TPMT: variants seen among roughly 807,000 people sequenced by gnomAD.
TPMT encodes the protein S-adenosyl-L-methionine:thiopurine S-methyltransferase.
A neutral mutation model predicts 34.2 loss-of-function variants in TPMT; 18 were observed. The ratio of observed to expected loss-of-function variants is 0.53; its 90% CI spans 0.36 to 0.78. TPMT has a LOEUF of 0.78. Ranked by LOEUF, TPMT falls within the 30% of genes least tolerant of loss-of-function variation. The pLI is 0.00. For synonymous variants in TPMT, 69 were observed against 92.4 expected (o/e 0.75, Z 1.45); for missense variants, 265 against 288.1 (o/e 0.92, Z 0.58).
chr6:18,144,965 C>T (rs1211295892), intron 3 of TPMT, among the ~76,000 whole-genome samples: 2 of 152,078 alleles, frequency 1.3e-5, no homozygotes, highest in East Asian at 3.9e-4. Flanking sequence ...AAATGATCTG[C>T]CTGCCTCAGC....
chr6:18,141,458 G>C (rs1161899111), intron 4 of TPMT, among the ~76,000 whole-genome samples: 1 of 151,666 alleles, frequency 6.6e-6, no homozygotes, highest in African/African-American at 2.4e-5. Context: ...TCCTGCCTCA[G>C]CCTCCAGAGT....
In TPMT at chr6:18,146,695, G is replaced by A. The variant is rs1316253744; in HGVS notation, c.233+1128C>T. ...AATTTTGAAAGTAACTATCTCTTCTGGCTCAATGAATTGGTTAAAATATAT... is the reference window on the plus strand; with the variant it reads ...AATTTTGAAAGTAACTATCTCTTCTAGCTCAATGAATTGGTTAAAATATAT... On this transcript the variant is annotated intron_variant, in intron 3 of 8. Coordinates refer to ENST00000309983, the MANE Select transcript of TPMT (RefSeq NM_000367.5). This position sits in a 1 kb window ranked among gnomAD's most constrained non-coding sequence, Gnocchi z 6.2. 2.6e-5 allele frequency among the ~76,000 whole-genome samples: 4 copies of A among 151,794 alleles called. No homozygotes were observed. The South Asian group carries it at 6.3e-4, about 24-fold the overall frequency.
In TPMT at chr6:18,133,909, G is replaced by T. The variant is rs1404963135; in HGVS notation, c.495-20C>A. ...GCATAGCTACAAAGAACACAAGAAG[G>T]TATTTGTTACATTTCTCTACACAGG... is the stretch of plus-strand genomic sequence containing the variant. On this transcript the variant is annotated intron_variant, in intron 6 of 8. Coordinates refer to ENST00000309983, the MANE Select transcript of TPMT (RefSeq NM_000367.5). 4 of 1,600,568 alleles carry T rather than the reference G, an allele frequency of 2.5e-6. No homozygotes were observed. Among genetic ancestry groups the T allele is most frequent in the Admixed American group, 1.7e-5 (1 of 59,940 alleles).
upstream of TPMT, chr6:18,155,163 C>A: frequency 8.7e-6 from 1 of 114,572 alleles, no homozygotes; most frequent in South Asian, 2.2e-4. This position sits in a 1 kb window ranked among gnomAD's most constrained non-coding sequence, Gnocchi z 6.2. Flanking sequence ...CCGCCCGCGC[C>A]CCGCCTCCGC....
At position 18,143,535 on chromosome 6, in the gene TPMT, C is replaced by T; in HGVS notation, c.366+61G>A. The stretch of plus-strand genomic sequence containing the variant: ...ACATGAATGGTATCCTCATAATACT[C>T]ACACTGAGAAAAACTTTTGTGGGGA... On this transcript the variant is annotated intron_variant, in intron 4 of 8. Transcript: ENST00000309983. The surrounding 1 kb of genome is among the most constrained non-coding windows in gnomAD (Gnocchi z 6.1). 6.2e-7 allele frequency: 1 copy of T among 1,602,066 alleles called. No homozygotes were observed. The highest frequency in any genetic ancestry group is 8.5e-7 in the Non-Finnish European group (1 of 1,172,092).
Position 18,132,298 on chromosome 6 carries a change from C to A in TPMT, c.581-121G>T. On this transcript the variant is annotated intron_variant, in intron 7 of 8. Coordinates refer to ENST00000309983, the MANE Select transcript of TPMT (RefSeq NM_000367.5). This position sits in a 1 kb window ranked among gnomAD's most constrained non-coding sequence, Gnocchi z 4.8. ...GCATGTTCTTCTCATTCTTCTTTTG[C>A]AAATCTCATACTAAAGAAATAAATT... is the stretch of plus-strand genomic sequence containing the variant. 1 of 932,864 alleles carries A rather than the reference C, an allele frequency of 1.1e-6. No individual in the cohort carries two copies. The highest frequency in any genetic ancestry group is 1.7e-6 in the Non-Finnish European group (1 of 590,844). 57.8% of individuals were successfully genotyped at this position (932,864 alleles called of 1,614,324 possible).
In TPMT at chr6:18,143,897, T is replaced by C. The variant is rs1032825391; in HGVS notation, c.234-169A>G. Among the ~76,000 whole-genome samples, 7 of 152,188 alleles carry C rather than the reference T, an allele frequency of 4.6e-5. No individual in the cohort carries two copies. The highest frequency in any genetic ancestry group is 8.8e-5 in the Non-Finnish European group (6 of 68,020). On this transcript the variant is annotated intron_variant, in intron 3 of 8. Transcript: ENST00000309983. The surrounding 1 kb of genome is among the most constrained non-coding windows in gnomAD (Gnocchi z 6.1). Reference sequence around the variant, plus strand: ...AGCAGATCTATATTATTTTCAAACCTTATAAAAATTCTGAAAAACTGACTT... The same window carrying C: ...AGCAGATCTATATTATTTTCAAACCCTATAAAAATTCTGAAAAACTGACTT...
At chr6:18,155,169 T>TCTGTC (rs1325191065), upstream of TPMT, 1 of 62,654 alleles carries the variant, frequency 1.6e-5, no homozygotes. This position sits in a 1 kb window ranked among gnomAD's most constrained non-coding sequence, Gnocchi z 6.2. Context: ...GCGCCCCGCC[T>TCTGTC]CCGCCCGCGC....
rs1169289724 is a variant in TPMT, at chr6:18,148,167, A to C, written c.141-252T>G. The stretch of plus-strand genomic sequence containing the variant: ...TTTTTTTTCTTGGGGATGTTTTGAA[A>C]ATTCTTTATTAATTCTCTAAATATG... On this transcript the variant is annotated intron_variant, in intron 2 of 8. Transcript: ENST00000309983. This position sits in a 1 kb window ranked among gnomAD's most constrained non-coding sequence, Gnocchi z 4.1. 1.3e-5 allele frequency among the ~76,000 whole-genome samples: 2 copies of C among 152,088 alleles called. No individual in the cohort carries two copies. The highest frequency in any genetic ancestry group is 2.4e-5 in the African/African-American group (1 of 41,426).
At position 18,139,551 on chromosome 6, in the gene TPMT, C is replaced by T. The variant is rs1437032085; in HGVS notation, c.419+114G>A. On this transcript the variant is annotated intron_variant, in intron 5 of 8. Coordinates refer to ENST00000309983, the MANE Select transcript of TPMT (RefSeq NM_000367.5). This position sits in a 1 kb window ranked among gnomAD's most constrained non-coding sequence, Gnocchi z 4.2. ...TGCAGAACAGACATTCAAAAAAATG[C>T]TTTGTGGATGTTACACAGGAGGAAG... The T allele has an allele frequency of 2.4e-6, 2 of 848,250 alleles. No homozygotes were observed. The highest frequency in any genetic ancestry group is 4.0e-6 in the Non-Finnish European group (2 of 503,590). The allele number at this position is 848,250 out of a possible 1,614,324, so 52.5% of individuals were successfully genotyped here.
At position 18,132,633 on chromosome 6, in the gene TPMT, A is replaced by G. The variant is rs1328645670; in HGVS notation, c.581-456T>C. ...CAGGGCCTGCTGTATTTTCTTCCCAAAGGTTCTTTGTTAGGGCTTCTGTTC... is the reference window on the plus strand; with the variant it reads ...CAGGGCCTGCTGTATTTTCTTCCCAGAGGTTCTTTGTTAGGGCTTCTGTTC... On this transcript the variant is annotated intron_variant, in intron 7 of 8. Transcript: ENST00000309983. This position sits in a 1 kb window ranked among gnomAD's most constrained non-coding sequence, Gnocchi z 4.8. Among the ~76,000 whole-genome samples the G allele has an allele frequency of 6.6e-6, 1 of 151,996 alleles. No individual in the cohort carries two copies. Among genetic ancestry groups the G allele is most frequent in the East Asian group, 1.9e-4 (1 of 5,184 alleles).
At position 18,146,241 on chromosome 6, in the gene TPMT, C is replaced by T; in HGVS notation, c.233+1582G>A. Among the ~76,000 whole-genome samples, 1 of 151,872 alleles carries T rather than the reference C, an allele frequency of 6.6e-6. No homozygotes were observed. The highest frequency in any genetic ancestry group is 1.5e-5 in the Non-Finnish European group (1 of 67,992). ...TATATATTTTTTGGAGACAGAGTCT[C>T]ACTCTGTCACCTAGGCTGGAGTGCA... On this transcript the variant is annotated intron_variant, in intron 3 of 8. Transcript: ENST00000309983. The surrounding 1 kb of genome is among the most constrained non-coding windows in gnomAD (Gnocchi z 6.2).
chr6:18,149,245 T>C lies in TPMT; in HGVS notation c.-44-74A>G. ...TATTGATGAACTAAATGAAAACCTA[T>C]TATTCTTAGCAGTATGACTTTTTAA... On this transcript the variant is annotated intron_variant, in intron 1 of 8. Transcript: ENST00000309983. The surrounding 1 kb of genome is among the most constrained non-coding windows in gnomAD (Gnocchi z 5.0). The C allele has an allele frequency of 1.5e-6, 2 of 1,297,968 alleles. No homozygotes were observed. The highest frequency in any genetic ancestry group is 2.2e-6 in the Non-Finnish European group (2 of 904,562). The allele number at this position is 1,297,968 out of a possible 1,614,324, so 80.4% of individuals were successfully genotyped here. A position where few individuals can be genotyped will look rare whatever the true frequency, so the allele number is the denominator to read the frequency against.
rs1784119709 is a variant in TPMT, at chr6:18,140,507, T to C, written c.367-790A>G. On this transcript the variant is annotated intron_variant, in intron 4 of 8. Transcript: ENST00000309983. This position sits in a 1 kb window ranked among gnomAD's most constrained non-coding sequence, Gnocchi z 4.7. ...GAGTATGAGACCAGCCTGGGCAACA[T>C]GGCAAAACTCCAACTCTACAGAAAA... Among the ~76,000 whole-genome samples the C allele has an allele frequency of 6.6e-6, 1 of 152,000 alleles. No individual in the cohort carries two copies. The highest frequency in any genetic ancestry group is 1.5e-5 in the Non-Finnish European group (1 of 68,006).
In TPMT at chr6:18,149,419, T is replaced by C. The variant is rs1784309996; in HGVS notation, c.-44-248A>G. Among the ~76,000 whole-genome samples, 3 of 151,966 alleles carry C rather than the reference T, an allele frequency of 2.0e-5. No individual in the cohort carries two copies. Among genetic ancestry groups the C allele is most frequent in the Admixed American group, 2.0e-4 (3 of 15,254 alleles). On this transcript the variant is annotated intron_variant, in intron 1 of 8. Coordinates refer to ENST00000309983, the MANE Select transcript of TPMT (RefSeq NM_000367.5). This position sits in a 1 kb window ranked among gnomAD's most constrained non-coding sequence, Gnocchi z 5.0. Reference sequence around the variant, plus strand: ...AATTCTGCTGCCTCAGCCTCCCAAGTAGCTGGGACTGCAGGTGTGCACCAT... The same window carrying C: ...AATTCTGCTGCCTCAGCCTCCCAAGCAGCTGGGACTGCAGGTGTGCACCAT...
chr6:18,135,817 C>A lies in TPMT; in HGVS notation c.495-1928G>T, dbSNP rs1307309831. 1.3e-5 allele frequency among the ~76,000 whole-genome samples: 2 copies of A among 151,874 alleles called. No individual in the cohort carries two copies. Among genetic ancestry groups the A allele is most frequent in the Non-Finnish European group, 2.9e-5 (2 of 67,962 alleles). On this transcript the variant is annotated intron_variant, in intron 6 of 8. Coordinates refer to ENST00000309983, the MANE Select transcript of TPMT (RefSeq NM_000367.5). The surrounding 1 kb of genome is among the most constrained non-coding windows in gnomAD (Gnocchi z 5.0). ...CCAGAAGGCAGGGGTTGCAGTGAGC[C>A]GAGATCATGCCATTGCACTCCAGCC...
In TPMT at chr6:18,147,922, AG is replaced by A. The variant is rs748271875; in HGVS notation, c.141-8del. 5 of 1,607,616 alleles carry A rather than the reference AG, an allele frequency of 3.1e-6. No homozygotes were observed. The highest frequency in any genetic ancestry group is 3.4e-6 in the Non-Finnish European group (4 of 1,174,808). ...TAAATGCTTCTTTAATAGCCTGAAGAGGAAAAAAAAAAAGGTTTTAGGACAA... is the reference window on the plus strand; with the variant it reads ...TAAATGCTTCTTTAATAGCCTGAAGAGAAAAAAAAAAAGGTTTTAGGACAA... On this transcript the variant is annotated splice_region_variant and splice_polypyrimidine_tract_variant and intron_variant, in intron 2 of 8. Coordinates refer to ENST00000309983, the MANE Select transcript of TPMT (RefSeq NM_000367.5).
chr6:18,144,266 C>A (rs1784206699), intron 3 of TPMT, among the ~76,000 whole-genome samples: 2 of 152,202 alleles, frequency 1.3e-5, no homozygotes, highest in African/African-American at 4.8e-5. Context: ...AGAACATTAG[C>A]ACTCATTTGT....
At chr6:18,142,455 T>C (rs1784161996) in intron 4 of TPMT, among the ~76,000 whole-genome samples, 2 of 152,084 alleles carry the variant, frequency 1.3e-5, no homozygotes, top group African/African-American at 4.8e-5. Context: ...GCCCCGTTCC[T>C]AGTTGCCCAC....
Sources: gnomAD v4.1 joint callset for allele counts (sites outside exome capture counted in the v4.1 genomes callset) on GRCh38, gnomAD v4.1.1 for gene constraint, Gnocchi (gnomAD v3.1) non-coding constraint, MANE v1.5 for transcripts, NCBI Gene and HGNC (gene_info 2026-07-23, HGNC 2026-07-21) for gene names.